POTEH: variants seen among roughly 807,000 people sequenced by gnomAD.
The protein encoded by POTEH is ANKRD26-like family C member 3.
A neutral mutation model predicts 41.7 loss-of-function variants in POTEH; 6 were observed. The observed-to-expected ratio is 0.14, with a 90% CI of 0.08 to 0.28. The LOEUF (loss-of-function observed/expected upper bound fraction) is 0.28, where lower values mean the gene tolerates loss of function less well. Ranked by LOEUF, POTEH falls within the 10% of genes least tolerant of loss-of-function variation. The probability of loss-of-function intolerance (pLI) is 1.00; values close to 1 mark genes in which losing one functional copy is unlikely to be tolerated. For synonymous variants in POTEH, 38 were observed against 179.9 expected, an observed-to-expected ratio of 0.21 and a Z score of 6.31; for missense variants, 115 against 533.5, an observed-to-expected ratio of 0.22 and a Z score of 7.73.
intron 7 of POTEH, among the ~76,000 whole-genome samples, chr22:15,708,922 A>G (rs1350970149): frequency 6.6e-6 from 1 of 150,640 alleles, no homozygotes; most frequent in Non-Finnish European, 1.5e-5. Context: ...CTGCAGTTTT[A>G]TATTGTCAGT....
chr22:15,691,811 T>A (rs529531785), intron 1 of POTEH, among the ~76,000 whole-genome samples: 1 of 149,318 alleles, frequency 6.7e-6, no homozygotes, highest in African/African-American at 2.4e-5. Context: ...TAGCGCTTGA[T>A]AATGGTGATG....
intron 1 of POTEH, among the ~76,000 whole-genome samples, chr22:15,691,773 T>A (rs1309833509): frequency 6.7e-6 from 1 of 148,550 alleles, no homozygotes; most frequent in Admixed American, 6.9e-5. Flanking sequence ...ACAGGAAATT[T>A]AGAAATACCG....
Position 15,690,134 on chromosome 22 carries a change from T to G in POTEH, c.57T>G (p.Gly19=). ...PAASSVKKPF[G]LRSKMGKWCR... Reference sequence around the variant, plus strand: ...CCTCCTCTGTGAAGAAGCCATTTGGTCTCAGAAGCAAGATGGGCAAGTGGT... The same window carrying G: ...CCTCCTCTGTGAAGAAGCCATTTGGGCTCAGAAGCAAGATGGGCAAGTGGT... The change falls in exon 1 of 11, where the codon GGT becomes GGG. Residue 19 remains glycine (G), a synonymous_variant. Coordinates refer to ENST00000343518, the MANE Select transcript of POTEH (RefSeq NM_001136213.1). The G allele has an allele frequency of 2.1e-6, 3 of 1,407,120 alleles. No homozygotes were observed. The highest frequency in any genetic ancestry group is 2.0e-6 in the Non-Finnish European group (2 of 1,014,478). 87.2% of individuals were successfully genotyped at this position (1,407,120 alleles called of 1,614,324 possible).
intron 5 of POTEH, 100 bp downstream of exon 5, chr22:15,700,315 TC>T: frequency 1.8e-6 from 1 of 552,516 alleles, no homozygotes; most frequent in East Asian, 4.9e-4. Flanking sequence ...ATAGTTCAGT[TC>T]AGGTAATTTT....
intron 6 of POTEH, among the ~76,000 whole-genome samples, chr22:15,703,665 A>G (rs980484256): frequency 6.7e-6 from 1 of 149,342 alleles, no homozygotes; most frequent in African/African-American, 2.5e-5. Flanking sequence ...AAATGCTAGT[A>G]TGCTACCTGA....
intron 9 of POTEH, among the ~76,000 whole-genome samples, chr22:15,713,686 G>A (rs1207633521): frequency 2.0e-4 from 30 of 152,222 alleles, no homozygotes; most frequent in South Asian, 4.1e-4. Context: ...TTTTAGTAGT[G>A]ACAGGGTTTC....
chr22:15,713,582 C>T (rs1989865455), intron 9 of POTEH, among the ~76,000 whole-genome samples: 1 of 152,266 alleles, frequency 6.6e-6, no homozygotes, highest in Non-Finnish European at 1.5e-5. Flanking sequence ...TCATTGCAAC[C>T]TCTGCCTCCT....
Position 15,690,183 on chromosome 22 carries a change from A to T in POTEH, c.106A>T (p.Arg36Trp), listed in dbSNP as rs1372130539. The T allele has an allele frequency of 7.4e-7, 1 of 1,359,834 alleles. No homozygotes were observed. The highest frequency in any genetic ancestry group is 1.0e-6 in the Non-Finnish European group (1 of 978,128). The allele number at this position is 1,359,834 out of a possible 1,614,324, so 84.2% of individuals were successfully genotyped here. ...KWCRHCFAWC[R>W]GSGKSNVGTS... The stretch of plus-strand genomic sequence containing the variant: ...GTGCCGCCACTGCTTCGCCTGGTGC[A>T]GGGGGAGCGGCAAGAGCAACGTGGG... The change falls in exon 1 of 11, where the codon AGG (arginine) becomes TGG (tryptophan). Residue 36 changes from arginine (R) to tryptophan (W), a missense_variant. Transcript: ENST00000343518.
At chr22:15,711,553 A>G (rs1328838441) in intron 9 of POTEH, among the ~76,000 whole-genome samples, 3 of 151,078 alleles carry the variant, frequency 2.0e-5, no homozygotes, top group South Asian at 2.1e-4. Flanking sequence ...CTCCAGCTCC[A>G]TCTGTGTTGC....
intron 5 of POTEH, among the ~76,000 whole-genome samples, chr22:15,701,895 G>GT (rs1989572806): frequency 4.1e-5 from 3 of 73,264 alleles, no homozygotes; most frequent in Non-Finnish European, 5.6e-5. Context: ...CGGGCTCAGA[G>GT]TTTGAGTCTG....
chr22:15,710,482 T>C (rs1487773826), intron 8 of POTEH, among the ~76,000 whole-genome samples: 1 of 152,222 alleles, frequency 6.6e-6, no homozygotes, highest in Non-Finnish European at 1.5e-5. Flanking sequence ...TAAAGAGGGA[T>C]GAAGACACAT....
chr22:15,705,353 CTTTTT>C (rs377062560), intron 6 of POTEH, among the ~76,000 whole-genome samples: 10 of 14,288 alleles, frequency 7.0e-4, no homozygotes, highest in Non-Finnish European at 8.7e-4. Flanking sequence ...ATATGTTGGC[CTTTTT>C]TTTTTTTTTT....
At chr22:15,691,024 A>G (rs1328847661) in intron 1 of POTEH, among the ~76,000 whole-genome samples, 1 of 142,838 alleles carries the variant, frequency 7.0e-6, no homozygotes, top group Admixed American at 7.3e-5. Context: ...AATGTTCTAT[A>G]CATTAAAAAA....
chr22:15,711,313 A>T (rs1266062782), intron 9 of POTEH, among the ~76,000 whole-genome samples: 1 of 152,112 alleles, frequency 6.6e-6, no homozygotes, highest in Non-Finnish European at 1.5e-5. Flanking sequence ...GGTAAACTGT[A>T]TCATGGAGGT....
intron 1 of POTEH, 108 bp downstream of exon 1, chr22:15,690,817 C>G (rs1287833762): frequency 7.5e-7 from 1 of 1,337,766 alleles, no homozygotes; most frequent in African/African-American, 1.5e-5. Flanking sequence ...ACAGGCCTCA[C>G]ACCACCCTGG....
At chr22:15,692,480 G>C (rs1255127122) in intron 1 of POTEH, among the ~76,000 whole-genome samples, 1 of 145,196 alleles carries the variant, frequency 6.9e-6, no homozygotes, top group African/African-American at 2.5e-5. Flanking sequence ...GAAAGGCCAG[G>C]TGCAGTGGCT....
chr22:15,713,860 G>T (rs556437962), intron 9 of POTEH, among the ~76,000 whole-genome samples: 58 of 152,284 alleles, frequency 3.8e-4, no homozygotes, highest in African/African-American at 1.2e-3. Context: ...CTCCAACTCA[G>T]ATCTCACTCC....
chr22:15,691,335 A>G (rs925686294), intron 1 of POTEH, among the ~76,000 whole-genome samples: 8 of 129,228 alleles, frequency 6.2e-5, no homozygotes, highest in Non-Finnish European at 1.1e-4. Flanking sequence ...CATCCTTGCT[A>G]ACACGGTGAA....
At chr22:15,700,876 AAGC>A (rs1222813759) in intron 5 of POTEH, 2 of 64,440 alleles carry the variant, frequency 3.1e-5, no homozygotes, top group Non-Finnish European at 5.6e-5. Flanking sequence ...ATTGTTCCCA[AAGC>A]AGCAGCCCCC....
Sources: allele counts gnomAD v4.1 joint callset (sites outside exome capture counted in the v4.1 genomes callset), GRCh38; gene constraint gnomAD v4.1.1; transcripts MANE v1.5; gene names NCBI Gene and HGNC (gene_info 2026-07-23, HGNC 2026-07-21).